The following NRXN3 variants were observed in gnomAD, a reference collection of about 807,000 sequenced individuals.
NRXN3 encodes the protein neurexin 3, also known as neurexin III.
Under a neutral mutation model 137.6 loss-of-function variants are expected in NRXN3, and 32 were observed. The ratio of observed to expected loss-of-function variants is 0.23; its 90% CI spans 0.18 to 0.31. The LOEUF (loss-of-function observed/expected upper bound fraction) is 0.31, where lower values mean the gene tolerates loss of function less well. Among genes scored for constraint, NRXN3 ranks in the 10% least tolerant of loss-of-function variants. The pLI is 1.00. For synonymous variants in NRXN3, 798 were observed against 784.5 expected (o/e 1.02, Z -0.29); for missense variants, 1,574 against 2,062.5 (o/e 0.76, Z 4.59).
At chr14:78,637,329 C>G (rs2097575762) in intron 4 of NRXN3, among the ~76,000 whole-genome samples, 1 of 152,314 alleles carries the variant, frequency 6.6e-6, no homozygotes, top group East Asian at 1.9e-4. Flanking sequence ...ATTCATAACT[C>G]AAGACACATT....
rs145315680 is a variant in NRXN3 at position 78,694,795 on chromosome 14, C to T, written c.1222-14422C>T. Among the ~76,000 whole-genome samples, 489 of 151,976 alleles carry T rather than the reference C, an allele frequency of 3.2e-3. 4 individuals are homozygous for T. Among genetic ancestry groups the T allele is most frequent in the Middle Eastern group, 0.02 (6 of 294 alleles). ...TCTTATTTGGTTCTTTCTCCATAAA[C>T]CTGACCAGTCCATGTATAGCAAGCC... On this transcript the variant is annotated intron_variant, in intron 6 of 20. Coordinates refer to ENST00000335750, the MANE Select transcript of NRXN3 (RefSeq NM_001330195.2).
intron 15 of NRXN3, among the ~76,000 whole-genome samples, chr14:79,459,856 G>A (rs1600627362): frequency 6.6e-6 from 1 of 152,154 alleles, no homozygotes; most frequent in East Asian, 1.9e-4. Flanking sequence ...ATTCCTTTAA[G>A]CAAGAGGGAA....
intron 16 of NRXN3, among the ~76,000 whole-genome samples, chr14:79,486,963 CA>C (rs1485642896): frequency 4.1e-5 from 6 of 147,900 alleles, no homozygotes; most frequent in Non-Finnish European, 6.0e-5. Context: ...CTCTCTCTCC[CA>C]CACACACACA....
At chr14:78,532,337 A>G (rs2096476841) in intron 4 of NRXN3, among the ~76,000 whole-genome samples, 1 of 150,260 alleles carries the variant, frequency 6.7e-6, no homozygotes, top group African/African-American at 2.5e-5. Context: ...AAAAAAAAAA[A>G]GAAAAGAAAA....
intron 1 of NRXN3, among the ~76,000 whole-genome samples, chr14:78,240,829 C>G (rs1236306915): frequency 6.6e-6 from 1 of 152,184 alleles, no homozygotes; most frequent in Non-Finnish European, 1.5e-5. Flanking sequence ...GGTTAAGGAA[C>G]AGCAGCTTCC....
intron 8 of NRXN3, among the ~76,000 whole-genome samples, chr14:78,765,941 T>C (rs17108221): frequency 0.15 from 22,677 of 152,070 alleles, 1,917 homozygotes; most frequent in East Asian, 0.24. Context: ...AAAAGGACTT[T>C]AGCAGTTTGT....
At chr14:78,917,280 G>A (rs922022318) in intron 10 of NRXN3, among the ~76,000 whole-genome samples, 2 of 152,076 alleles carry the variant, frequency 1.3e-5, no homozygotes, top group African/African-American at 4.8e-5. Context: ...CTTTTTAGAA[G>A]GGAACAAAAA....
chr14:79,804,459 T>C (rs1321271603), intron 19 of NRXN3, among the ~76,000 whole-genome samples: 1 of 152,202 alleles, frequency 6.6e-6, no homozygotes, highest in Non-Finnish European at 1.5e-5. Context: ...CAGTCAGAAC[T>C]GTTTTTGCTC....
chr14:79,009,573 C>G (rs1286307530), intron 15 of NRXN3, among the ~76,000 whole-genome samples: 3 of 152,122 alleles, frequency 2.0e-5, no homozygotes, highest in Non-Finnish European at 2.9e-5. Flanking sequence ...CCAGAATATA[C>G]AGAGCAAGGA....
intron 16 of NRXN3, among the ~76,000 whole-genome samples, chr14:79,636,079 GTTTC>G (rs2098401533): frequency 1.3e-5 from 2 of 152,210 alleles, no homozygotes; most frequent in African/African-American, 4.8e-5. Flanking sequence ...TTCACATGGT[GTTTC>G]TTTCTTCTTA....
chr14:79,758,659 A>G (rs560326569), intron 19 of NRXN3, among the ~76,000 whole-genome samples: 1 of 152,170 alleles, frequency 6.6e-6, no homozygotes, highest in Non-Finnish European at 1.5e-5. Context: ...CAAGGATACT[A>G]TATCTCCAAA....
At chr14:79,825,524 A>C (rs923721372) in intron 20 of NRXN3, among the ~76,000 whole-genome samples, 1 of 152,174 alleles carries the variant, frequency 6.6e-6, no homozygotes, top group African/African-American at 2.4e-5. Context: ...TCCTCTCCTC[A>C]ACCCCAGCAT....
intron 4 of NRXN3, among the ~76,000 whole-genome samples, chr14:78,471,334 C>CACACACA (rs1567685088): frequency 9.7e-5 from 1 of 10,362 alleles, no homozygotes; most frequent in Non-Finnish European, 3.1e-4. Flanking sequence ...ACACACACAC[C>CACACACA]CCCAAGAAAT....
At chr14:79,055,501 G>A (rs566881699) in intron 15 of NRXN3, among the ~76,000 whole-genome samples, 4 of 152,258 alleles carry the variant, frequency 2.6e-5, no homozygotes, top group South Asian at 2.1e-4. Context: ...CACATTTTAA[G>A]AGAAACATTG....
At chr14:78,940,202 A>G (rs573833662) in intron 10 of NRXN3, among the ~76,000 whole-genome samples, 1 of 152,308 alleles carries the variant, frequency 6.6e-6, no homozygotes, top group South Asian at 2.1e-4. Flanking sequence ...CTTAATCTCT[A>G]TACGTGGCAG....
chr14:79,210,639 C>T (rs951272265), intron 15 of NRXN3, among the ~76,000 whole-genome samples: 3 of 152,156 alleles, frequency 2.0e-5, no homozygotes, highest in Non-Finnish European at 4.4e-5. Flanking sequence ...CTCATGTCTT[C>T]AGAAAGTTTC....
chr14:79,812,870 A>T (rs751826814), intron 20 of NRXN3, among the ~76,000 whole-genome samples: 1 of 152,152 alleles, frequency 6.6e-6, no homozygotes, highest in Non-Finnish European at 1.5e-5. Flanking sequence ...GCTTAATGAC[A>T]TCATTAAGCA....
intron 16 of NRXN3, among the ~76,000 whole-genome samples, chr14:79,609,216 A>G (rs1032648184): frequency 6.6e-6 from 1 of 152,228 alleles, no homozygotes; most frequent in Non-Finnish European, 1.5e-5. Flanking sequence ...TTGTTGTCCC[A>G]AGGATGTCCA....
chr14:78,978,116 T>C lies in NRXN3; in HGVS notation c.3142+9770T>C, dbSNP rs182429086. Among the ~76,000 whole-genome samples, 14 of 152,308 alleles carry C rather than the reference T, an allele frequency of 9.2e-5. No individual in the cohort carries two copies. The East Asian group carries it at 2.7e-3, about 29-fold the overall frequency. On this transcript the variant is annotated intron_variant, in intron 14 of 20. Transcript: ENST00000335750. Reference sequence around the variant, plus strand: ...GCTCCAAATGTTAGATTTTATTCTTTGTCTTTTTCACTGATCACTCTAATC... The same window carrying C: ...GCTCCAAATGTTAGATTTTATTCTTCGTCTTTTTCACTGATCACTCTAATC...
Sources: gnomAD v4.1 joint callset for allele counts (sites outside exome capture counted in the v4.1 genomes callset) on GRCh38, gnomAD v4.1.1 for gene constraint, MANE v1.5 for transcripts, NCBI Gene and HGNC (gene_info 2026-07-23, HGNC 2026-07-21) for gene names.